ALDH3B1: variants seen among roughly 807,000 people sequenced by gnomAD.
The protein encoded by ALDH3B1 is aldehyde dehydrogenase family 3 member B1.
Under a neutral mutation model 46.2 loss-of-function variants are expected in ALDH3B1, and 37 were observed. The ratio of observed to expected loss-of-function variants is 0.80; its 90% confidence interval spans 0.62 to 1.05. The LOEUF is 1.05. Among genes scored for constraint, ALDH3B1 ranks in the 50% least tolerant of loss-of-function variants. The pLI is 0.00. For synonymous variants in ALDH3B1, 283 were observed against 281.0 expected, an observed-to-expected ratio of 1.01 and a Z score of -0.07; for missense variants, 603 against 665.5, an observed-to-expected ratio of 0.91 and a Z score of 1.03.
At chr11:68,021,893 A>G (rs1565138286) in intron 7 of ALDH3B1, 22 bp downstream of exon 7, 4 of 1,569,342 alleles carry the variant, frequency 2.5e-6, no homozygotes, top group Admixed American at 1.8e-5. Flanking sequence ...TGCCCCTACC[A>G]CAGCCCACCT....
rs113548588 is a variant in ALDH3B1 at position 68,018,260 on chromosome 11, C to T, written c.163-267C>T. 39 of 496,474 alleles carry T rather than the reference C, an allele frequency of 7.9e-5. 2 individuals are homozygous for T. Among genetic ancestry groups the T allele is most frequent in the African/African-American group, 5.6e-4 (29 of 51,670 alleles). 30.8% of individuals were successfully genotyped at this position (496,474 alleles called of 1,614,324 possible). ...ACCCTGCTCCATGATTTCCCTAGCA[C>T]AGCCACGTCCTAATGGAGCCGTCAG... is the stretch of plus-strand genomic sequence containing the variant. On this transcript the variant is annotated intron_variant, in intron 2 of 9. Transcript: ENST00000342456.
At position 68,019,750 on chromosome 11, in the gene ALDH3B1, G is replaced by A. The variant is rs1402726751; in HGVS notation, c.516G>A (p.Glu172=). ...CTGTGGTGCTGGGCGGGCCCCAGGA[G>A]ACGGGGCAGCTGCTAGAGCACAGGT... is the stretch of plus-strand genomic sequence containing the variant. ...CFAVVLGGPQ[E]TGQLLEHRFD... is the part of the protein sequence containing the mutation. The change falls in exon 6 of 10, where the codon GAG becomes GAA. Residue 172 remains glutamate (E), a synonymous_variant. Coordinates refer to ENST00000342456, the MANE Select transcript of ALDH3B1 (RefSeq NM_000694.4). 9.3e-6 allele frequency: 15 copies of A among 1,614,182 alleles called. No individual in the cohort carries two copies. The highest frequency in any genetic ancestry group is 6.6e-5 in the South Asian group (6 of 91,084).
At chr11:68,009,583 G>A (rs970861940), upstream of ALDH3B1, among the ~76,000 whole-genome samples, 1 of 152,252 alleles carries the variant, frequency 6.6e-6, no homozygotes, top group African/African-American at 2.4e-5. Context: ...AATCGAGCAA[G>A]CTCGGGGAAC....
rs190544690 is a variant in ALDH3B1, at chr11:68,022,720, G to A, written c.1075G>A (p.Glu359Lys). ...GGCCATCGAGTTCATCAACCGGCGG[G>A]AGAAGCCCCTGGCCCTGTACGCCTT... is the stretch of plus-strand genomic sequence containing the variant. ...DEAIEFINRR[E>K]KPLALYAFSN... Residue 359 changes from glutamate (E) to lysine (K), a missense_variant, in exon 8 of 10, where the codon GAG (glutamate) becomes AAG (lysine). Glu to Lys is a moderately conservative substitution (Grantham distance 56). Coordinates refer to ENST00000342456, the MANE Select transcript of ALDH3B1 (RefSeq NM_000694.4). 566 of 1,614,168 alleles carry A rather than the reference G, an allele frequency of 3.5e-4. 3 individuals carry two copies. In the East Asian group the frequency reaches 9.0e-3, roughly 26 times the overall value.
At chr11:68,013,766 G>A (rs544310271) in intron 1 of ALDH3B1, among the ~76,000 whole-genome samples, 8 of 152,322 alleles carry the variant, frequency 5.3e-5, no homozygotes, top group South Asian at 4.1e-4. Context: ...ATGGTGGCTC[G>A]AGAGGCTCGT....
intron 5 of ALDH3B1, 68 bp from the exon 6 acceptor site, chr11:68,019,647 G>A (rs1390890229): frequency 7.1e-6 from 11 of 1,553,040 alleles, no homozygotes; most frequent in Non-Finnish European, 8.8e-6. Context: ...GTCCAGGCAG[G>A]GCGGGCTGCT....
rs1421427760 is a variant in ALDH3B1 at position 68,019,982 on chromosome 11, C to T, written c.562+186C>T. 9.9e-5 allele frequency among the ~76,000 whole-genome samples: 15 copies of T among 152,272 alleles called. No homozygotes were observed. The East Asian group carries it at 2.9e-3, about 29-fold the overall frequency. On this transcript the variant is annotated intron_variant, in intron 6 of 9. Coordinates refer to ENST00000342456, the MANE Select transcript of ALDH3B1 (RefSeq NM_000694.4). ...AAGGGATGGAGTCCCATGTCCAGGGCCAGCCCACTGTGCCAACCACAGCGT... is the reference window on the plus strand; with the variant it reads ...AAGGGATGGAGTCCCATGTCCAGGGTCAGCCCACTGTGCCAACCACAGCGT...
chr11:68,026,052 G>C lies in ALDH3B1; in HGVS notation c.1160G>C (p.Cys387Ser). ...ACCCAGACCAGCAGCGGGGGCTTCT[G>C]TGGGAACGACGGCTTCATGCACATG... is the stretch of plus-strand genomic sequence containing the variant. Reference protein sequence around the residue: ...VLTQTSSGGFCGNDGFMHMTL... With the variant: ...VLTQTSSGGFSGNDGFMHMTL... The change falls in exon 9 of 10, where the codon TGT becomes TCT. Residue 387 changes from cysteine to serine, a missense_variant. Coordinates refer to ENST00000342456, the MANE Select transcript of ALDH3B1 (RefSeq NM_000694.4). 6.2e-7 allele frequency: 1 copy of C among 1,609,638 alleles called. No individual in the cohort carries two copies.
chr11:68,010,677 T>A (rs957426834), intron 1 of ALDH3B1, among the ~76,000 whole-genome samples: 1 of 152,168 alleles, frequency 6.6e-6, no homozygotes, highest in Non-Finnish European at 1.5e-5. Context: ...TTCCTGGGAT[T>A]CCCGGACACC....
At chr11:68,009,260 G>A (rs1312974033), upstream of ALDH3B1, among the ~76,000 whole-genome samples, 5 of 152,246 alleles carry the variant, frequency 3.3e-5, no homozygotes, top group Non-Finnish European at 5.9e-5. Flanking sequence ...GGGTGGTGTG[G>A]AGGAACACGG....
upstream of ALDH3B1, among the ~76,000 whole-genome samples, chr11:68,008,864 C>T (rs1303248536): frequency 1.3e-5 from 2 of 152,182 alleles, no homozygotes; most frequent in Non-Finnish European, 2.9e-5. Flanking sequence ...CACCTGTCAC[C>T]CTGTCCCCTG....
chr11:68,010,003 C>T (rs1447987722), upstream of ALDH3B1, among the ~76,000 whole-genome samples: 3 of 152,174 alleles, frequency 2.0e-5, no homozygotes, highest in Non-Finnish European at 4.4e-5. Context: ...CACCCCACAC[C>T]GGGATTCCCA....
rs1007052549 is a variant in ALDH3B1, at chr11:68,029,261, C to T, written c.*1322C>T. 1 of 152,230 alleles carries T rather than the reference C, an allele frequency of 6.6e-6. No homozygotes were observed. Among genetic ancestry groups the T allele is most frequent in the African/African-American group, 2.4e-5 (1 of 41,440 alleles). 9.4% of individuals were successfully genotyped at this position (152,230 alleles called of 1,614,324 possible). A position where few individuals can be genotyped will look rare whatever the true frequency, so the allele number is the denominator to read the frequency against. On this transcript the variant is annotated 3_prime_UTR_variant, in exon 10 of 10. Coordinates refer to ENST00000342456, the MANE Select transcript of ALDH3B1 (RefSeq NM_000694.4). ...TCTGGCTGATGTCACCTGAATAAAG[C>T]CTTCTTCCCTGGCAATACTTACATC...
chr11:68,016,934 C>T (rs1304739787), intron 2 of ALDH3B1: 1 of 152,412 alleles, frequency 6.6e-6, no homozygotes, highest in Non-Finnish European at 1.5e-5. Flanking sequence ...GCAGCAGTAG[C>T]CCAGAACATT....
At chr11:68,018,951 C>A in intron 4 of ALDH3B1, 58 bp downstream of exon 4, 1 of 1,520,730 alleles carries the variant, frequency 6.6e-7, no homozygotes, top group South Asian at 1.2e-5. Context: ...CTCAGGGCCA[C>A]CCATGGATCC....
chr11:68,018,458 G>A (rs1590775429), intron 2 of ALDH3B1, 69 bp from the exon 3 acceptor site: 4 of 1,197,926 alleles, frequency 3.3e-6, no homozygotes, highest in South Asian at 2.7e-5. Context: ...GGCCCTGCCT[G>A]GAGGAGGCTG....
chr11:68,012,730 G>A (rs750800721), intron 1 of ALDH3B1, among the ~76,000 whole-genome samples: 56 of 152,330 alleles, frequency 3.7e-4, no homozygotes, highest in South Asian at 1.2e-3. Context: ...TGGGTCTGCC[G>A]TCCAGGCCCC....
rs1456133742 is a variant in ALDH3B1 at position 68,010,353 on chromosome 11, CG to C, written c.-38del. On this transcript the variant is annotated 5_prime_UTR_variant, in exon 1 of 10. Transcript: ENST00000342456. ...TTAACAGCAGGGCCACCAGGCAGAG[CG>C]GGACAGCCAGGAGGAAGGGCAGCTT... The C allele has an allele frequency of 6.5e-6, 1 of 152,776 alleles. No individual in the cohort carries two copies. Among genetic ancestry groups the C allele is most frequent in the Non-Finnish European group, 1.5e-5 (1 of 68,486 alleles). The allele number at this position is 152,776 out of a possible 1,614,324, so 9.5% of individuals were successfully genotyped here.
At chr11:68,011,351 G>A (rs545128992) in intron 1 of ALDH3B1, among the ~76,000 whole-genome samples, 1 of 152,302 alleles carries the variant, frequency 6.6e-6, no homozygotes, top group African/African-American at 2.4e-5. Flanking sequence ...TAAGGCAGAG[G>A]GGACCTGATG....
Sources: allele counts gnomAD v4.1 joint callset (sites outside exome capture counted in the v4.1 genomes callset), GRCh38; gene constraint gnomAD v4.1.1; transcripts MANE v1.5; gene names NCBI Gene and HGNC (gene_info 2026-07-23, HGNC 2026-07-21).